The following PRKAR2B variants were observed in gnomAD, a reference collection of about 807,000 sequenced individuals.
PRKAR2B encodes the protein protein kinase cAMP-dependent type II regulatory subunit beta.
PRKAR2B carries 14 observed loss-of-function variants against 49.9 expected under a neutral mutation model. That is an observed-to-expected ratio of 0.28 (90% CI 0.19 to 0.44). PRKAR2B has a LOEUF of 0.44. Ranked by LOEUF, PRKAR2B falls within the 20% of genes least tolerant of loss-of-function variation. The pLI is 1.00. For missense variants in PRKAR2B, 393 were observed against 537.9 expected (o/e 0.73, Z 2.67); for synonymous variants, 196 against 197.7 (o/e 0.99, Z 0.07).
intron 6 of PRKAR2B, among the ~76,000 whole-genome samples, chr7:107,146,903 A>G (rs1412838570): frequency 6.6e-6 from 1 of 152,132 alleles, no homozygotes. Flanking sequence ...CTGGGGCCCC[A>G]CCCACTGATT....
intron 2 of PRKAR2B, among the ~76,000 whole-genome samples, chr7:107,104,124 T>C (rs10241155): frequency 0.13 from 19,127 of 152,216 alleles, 1,462 homozygotes; most frequent in African/African-American, 0.2. Context: ...CTCCGCCTCC[T>C]GGGCTCAAGC....
intron 1 of PRKAR2B, among the ~76,000 whole-genome samples, chr7:107,052,944 C>T (rs911671078): frequency 2.0e-5 from 3 of 152,194 alleles, no homozygotes; most frequent in Non-Finnish European, 2.9e-5. Context: ...ATTCTCCTGC[C>T]TCAGCTTCCT....
At chr7:107,076,748 TTTTATAATTTTC>T (rs1452837454) in intron 2 of PRKAR2B, among the ~76,000 whole-genome samples, 25 of 152,224 alleles carry the variant, frequency 1.6e-4, no homozygotes, top group Non-Finnish European at 2.6e-4. Flanking sequence ...AGAACTAAAA[TTTTATAATTTTC>T]TGTAAACTAT....
intron 2 of PRKAR2B, among the ~76,000 whole-genome samples, chr7:107,106,088 G>A (rs1307871064): frequency 1.3e-5 from 2 of 152,150 alleles, no homozygotes; most frequent in South Asian, 2.1e-4. Context: ...GGGGAATCTG[G>A]GTCTACATTA....
intron 10 of PRKAR2B, among the ~76,000 whole-genome samples, chr7:107,157,845 G>A (rs257373): frequency 0.16 from 23,904 of 152,080 alleles, 2,062 homozygotes; most frequent in Middle Eastern, 0.21. Flanking sequence ...TCAGGTGCAG[G>A]CATCTGTATA....
chr7:107,144,616 A>G (rs1795855098), intron 5 of PRKAR2B, among the ~76,000 whole-genome samples: 1 of 151,104 alleles, frequency 6.6e-6, no homozygotes, highest in Non-Finnish European at 1.5e-5. Context: ...ATGTGCCACC[A>G]TACTTGACTA....
chr7:107,141,060 G>T, intron 5 of PRKAR2B, 107 bp downstream of exon 5: 2 of 735,860 alleles, frequency 2.7e-6, no homozygotes, highest in South Asian at 3.7e-5. Flanking sequence ...TGTTATTGCC[G>T]CTACTCTTAT....
intron 2 of PRKAR2B, 77 bp downstream of exon 2, chr7:107,070,393 A>G: frequency 1.6e-6 from 2 of 1,275,302 alleles, no homozygotes; most frequent in Admixed American, 1.8e-5. Context: ...AAGAAGGTAC[A>G]AAGAATAATT....
chr7:107,050,079 C>T (rs1562839431), intron 1 of PRKAR2B, among the ~76,000 whole-genome samples: 1 of 151,984 alleles, frequency 6.6e-6, no homozygotes, highest in Non-Finnish European at 1.5e-5. Flanking sequence ...ACCAAAAAAC[C>T]CCTTCTCTTA....
intron 4 of PRKAR2B, among the ~76,000 whole-genome samples, chr7:107,140,160 G>A (rs1358316072): frequency 6.6e-6 from 1 of 152,102 alleles, no homozygotes. Context: ...TTATCCTTGA[G>A]CCTTGTCAAT....
chr7:107,135,475 A>C (rs1052955991), intron 4 of PRKAR2B, among the ~76,000 whole-genome samples: 3 of 152,188 alleles, frequency 2.0e-5, no homozygotes, highest in Non-Finnish European at 4.4e-5. Flanking sequence ...TGATTATCTA[A>C]GTAGAAAATG....
At chr7:107,125,920 C>T (rs529291706) in intron 3 of PRKAR2B, among the ~76,000 whole-genome samples, 1 of 151,804 alleles carries the variant, frequency 6.6e-6, no homozygotes, top group South Asian at 2.1e-4. Flanking sequence ...AACCCTGTCT[C>T]TAATAAAAAT....
intron 2 of PRKAR2B, among the ~76,000 whole-genome samples, chr7:107,072,374 G>GA (rs1794296868): frequency 6.6e-6 from 1 of 152,120 alleles, no homozygotes; most frequent in South Asian, 2.1e-4. Context: ...TTATAAGAAA[G>GA]AAAAGAGAAC....
At chr7:107,084,623 C>CTTT (rs1228159993) in intron 2 of PRKAR2B, among the ~76,000 whole-genome samples, 1 of 141,058 alleles carries the variant, frequency 7.1e-6, no homozygotes, top group Non-Finnish European at 1.6e-5. Context: ...CATCTATATA[C>CTTT]TTTTTTTTTT....
intron 1 of PRKAR2B, among the ~76,000 whole-genome samples, chr7:107,065,491 T>C (rs1168548699): frequency 6.6e-6 from 1 of 152,146 alleles, no homozygotes; most frequent in Non-Finnish European, 1.5e-5. Context: ...TTTAGTTTCA[T>C]AGATTATCTT....
At chr7:107,130,498 C>A (rs1470687736) in intron 4 of PRKAR2B, among the ~76,000 whole-genome samples, 2 of 151,844 alleles carry the variant, frequency 1.3e-5, no homozygotes, top group Non-Finnish European at 2.9e-5. Context: ...GAGCGAGACT[C>A]TGTCTCAAAA....
intron 4 of PRKAR2B, among the ~76,000 whole-genome samples, chr7:107,139,299 T>C (rs1054433094): frequency 2.6e-5 from 4 of 152,174 alleles, no homozygotes; most frequent in South Asian, 2.1e-4. Context: ...AGCTGTTACA[T>C]TGGGGAACCC....
At chr7:107,151,103 A>G (rs1266909938) in intron 7 of PRKAR2B, 80 bp downstream of exon 7, 16 of 765,120 alleles carry the variant, frequency 2.1e-5, no homozygotes, top group South Asian at 3.2e-5. Flanking sequence ...CTATAGAAAA[A>G]TTTCTTTGAA....
chr7:107,062,874 T>G (rs1794052893), intron 1 of PRKAR2B, among the ~76,000 whole-genome samples: 1 of 152,174 alleles, frequency 6.6e-6, no homozygotes, highest in Admixed American at 6.6e-5. Flanking sequence ...TGGTACTGCT[T>G]TTAATAATAC....
Sources: gnomAD v4.1 joint callset for allele counts (sites outside exome capture counted in the v4.1 genomes callset) on GRCh38, gnomAD v4.1.1 for gene constraint, MANE v1.5 for transcripts, NCBI Gene and HGNC (gene_info 2026-07-23, HGNC 2026-07-21) for gene names.